LMO7: variants seen among roughly 807,000 people sequenced by gnomAD.
LMO7 encodes the protein LIM domain 7.
A neutral mutation model predicts 206.5 loss-of-function variants in LMO7; 120 were observed. The ratio of observed to expected loss-of-function variants is 0.58; its 90% CI spans 0.50 to 0.68. LMO7 has a LOEUF of 0.68. Ranked by LOEUF, LMO7 falls within the 30% of genes least tolerant of loss-of-function variation. The probability of loss-of-function intolerance (pLI) is 0.00; values close to 1 mark genes in which losing one functional copy is unlikely to be tolerated. For missense variants in LMO7, 1,959 were observed against 1,957.9 expected (o/e 1.00, Z -0.01); for synonymous variants, 706 against 681.5 (o/e 1.04, Z -0.56).
At chr13:75,675,856 G>A (rs2039960132) in intron 1 of LMO7, among the ~76,000 whole-genome samples, 1 of 151,838 alleles carries the variant, frequency 6.6e-6, no homozygotes, top group African/African-American at 2.4e-5. Context: ...GATGGAAAAT[G>A]TCTCCTCCTT....
chr13:75,770,798 C>G (rs1013311132), intron 4 of LMO7, among the ~76,000 whole-genome samples: 10 of 152,086 alleles, frequency 6.6e-5, no homozygotes, highest in African/African-American at 1.7e-4. Context: ...AAACTAATAA[C>G]AGCCCAGCCA....
chr13:75,804,786 T>C, intron 8 of LMO7: 2 of 1,117,588 alleles, frequency 1.8e-6, no homozygotes, highest in Non-Finnish European at 2.3e-6. Context: ...TTTATTGGTA[T>C]TTTTCAGCTT....
chr13:75,763,438 T>C (rs2048443512), intron 4 of LMO7, among the ~76,000 whole-genome samples: 1 of 152,198 alleles, frequency 6.6e-6, no homozygotes, highest in Non-Finnish European at 1.5e-5. Flanking sequence ...AAAATATAAC[T>C]TTTATATACA....
chr13:75,724,006 G>A (rs2044251245), intron 2 of LMO7, among the ~76,000 whole-genome samples: 1 of 152,074 alleles, frequency 6.6e-6, no homozygotes, highest in Non-Finnish European at 1.5e-5. Flanking sequence ...GCTTTCAGGA[G>A]CCTCTTTTAT....
intron 3 of LMO7, among the ~76,000 whole-genome samples, chr13:75,744,224 T>C (rs1379037319): frequency 6.6e-6 from 1 of 152,188 alleles, no homozygotes; most frequent in African/African-American, 2.4e-5. Flanking sequence ...CAATTTGGGG[T>C]CAACATTGTA....
intron 27 of LMO7, among the ~76,000 whole-genome samples, chr13:75,852,611 C>T (rs563307690): frequency 1.3e-5 from 2 of 152,330 alleles, no homozygotes; most frequent in South Asian, 4.1e-4. Flanking sequence ...TCTCAACTTT[C>T]AGTGGTTCGA....
At chr13:75,709,513 C>T (rs1266733867) in intron 1 of LMO7, among the ~76,000 whole-genome samples, 1 of 152,018 alleles carries the variant, frequency 6.6e-6, no homozygotes, top group East Asian at 1.9e-4. Flanking sequence ...GATGGTATCT[C>T]ATTGTGGTTT....
intron 25 of LMO7, among the ~76,000 whole-genome samples, chr13:75,845,117 C>T (rs1366506044): frequency 6.6e-6 from 1 of 152,182 alleles, no homozygotes; most frequent in East Asian, 1.9e-4. Flanking sequence ...CTATTTCCAG[C>T]ATTTCACTCT....
Position 75,636,472 on chromosome 13 carries a change from T to TGG in LMO7, c.-186_-185insGG. The TGG allele has an allele frequency of 6.9e-7, 1 of 1,443,192 alleles. No individual in the cohort carries two copies. The highest frequency in any genetic ancestry group is 2.5e-5 in the East Asian group (1 of 39,358). 89.4% of individuals were successfully genotyped at this position (1,443,192 alleles called of 1,614,324 possible). A position where few individuals can be genotyped will look rare whatever the true frequency, so the allele number is the denominator to read the frequency against. On this transcript the variant is annotated 5_prime_UTR_variant, in exon 1 of 31. Transcript: ENST00000377534. ...AGCCAGGTCTTCACGTTCGTGTAGGTTCGAGACCTTAACGAACTGCAGAGC... is the reference window on the plus strand; with the variant it reads ...AGCCAGGTCTTCACGTTCGTGTAGGTGGTCGAGACCTTAACGAACTGCAGAGC...
In LMO7 at chr13:75,807,998, A is replaced by G. The variant is rs1030606685; in HGVS notation, c.1715A>G (p.Asn572Ser). ...ACATGCCCATCCAAAGAAAAAAGTA[A>G]TAGCTGTAGAATATTAGTTCCTTCA... is the stretch of plus-strand genomic sequence containing the variant. ...ERTCPSKEKSNSCRILVPSYR... is the reference protein window; with the variant it reads ...ERTCPSKEKSSSCRILVPSYR... The change falls in exon 10 of 31, where the codon AAT becomes AGT. Residue 572 changes from asparagine to serine, a missense_variant. Physicochemically the swap from Asn to Ser is conservative, Grantham distance 46 (BLOSUM62 1). Coordinates refer to ENST00000377534, the MANE Select transcript of LMO7 (RefSeq NM_001306080.2). The G allele has an allele frequency of 1.2e-6, 2 of 1,613,820 alleles. No homozygotes were observed. Among genetic ancestry groups the G allele is most frequent in the Non-Finnish European group, 8.5e-7 (1 of 1,179,882 alleles).
chr13:75,855,625 G>A (rs921092645), intron 29 of LMO7, among the ~76,000 whole-genome samples: 16 of 152,148 alleles, frequency 1.1e-4, no homozygotes, highest in Admixed American at 9.2e-4. Flanking sequence ...CAGTACATAA[G>A]TTGCTTTCTC....
At chr13:75,804,078 A>G (rs777114984) in intron 7 of LMO7, 1 of 507,542 alleles carries the variant, frequency 2.0e-6, no homozygotes, top group Non-Finnish European at 3.5e-6. Flanking sequence ...TACAGCAGCA[A>G]AAGAATGTAC....
rs189643773 is a variant in LMO7, at chr13:75,734,406, A to G, written c.210+7308A>G. On this transcript the variant is annotated intron_variant, in intron 3 of 30. Transcript: ENST00000377534. ...TCAACTTCAGAAAACTCTGAAGTTT[A>G]AGATAGCTAATAATTAGAATGTAAA... is the stretch of plus-strand genomic sequence containing the variant. Among the ~76,000 whole-genome samples, 11 of 152,348 alleles carry G rather than the reference A, an allele frequency of 7.2e-5. No homozygotes were observed. In the East Asian group the frequency reaches 1.9e-3, roughly 27 times the overall value.
chr13:75,823,786 C>T lies in LMO7; in HGVS notation c.2862C>T (p.Ala954=), dbSNP rs754601197. The change falls in exon 15 of 31, where the codon GCC becomes GCT. Residue 954 remains alanine, a synonymous_variant. Transcript: ENST00000377534. ...LSQDQAATSK[A]TLSSTSGLDL... is the part of the protein sequence containing the mutation. Reference sequence around the variant, plus strand: ...AAGACCAGGCTGCCACTTCTAAAGCCACATTGTCTTCCACATCTGGTCTTG... The same window carrying T: ...AAGACCAGGCTGCCACTTCTAAAGCTACATTGTCTTCCACATCTGGTCTTG... The T allele has an allele frequency of 6.2e-6, 10 of 1,614,060 alleles. No individual in the cohort carries two copies. The highest frequency in any genetic ancestry group is 8.5e-6 in the Non-Finnish European group (10 of 1,179,946).
chr13:75,642,667 T>G (rs559840765), intron 1 of LMO7, among the ~76,000 whole-genome samples: 10 of 152,140 alleles, frequency 6.6e-5, no homozygotes, highest in Admixed American at 2.0e-4. Flanking sequence ...GTGGACCCAC[T>G]GGGTGAAAAA....
At position 75,858,440 on chromosome 13, in the gene LMO7, A is replaced by G. The variant is rs933505451; in HGVS notation, c.*497A>G. 1.3e-5 allele frequency: 2 copies of G among 152,598 alleles called. No homozygotes were observed. Among genetic ancestry groups the G allele is most frequent in the Non-Finnish European group, 2.9e-5 (2 of 68,162 alleles). The allele number at this position is 152,598 out of a possible 1,614,324, so 9.5% of individuals were successfully genotyped here. ...ATCTATCCCCAAATGTGCTTTCTGTATCCTTCCTTCTACCTATTATTCTGA... is the reference window on the plus strand; with the variant it reads ...ATCTATCCCCAAATGTGCTTTCTGTGTCCTTCCTTCTACCTATTATTCTGA... On this transcript the variant is annotated 3_prime_UTR_variant, in exon 31 of 31. Coordinates refer to ENST00000377534, the MANE Select transcript of LMO7 (RefSeq NM_001306080.2).
chr13:75,639,436 TG>T (rs1351950342), intron 1 of LMO7, among the ~76,000 whole-genome samples: 2 of 152,216 alleles, frequency 1.3e-5, no homozygotes, highest in African/African-American at 4.8e-5. Context: ...TTGGAAAGGC[TG>T]TTTGATACAT....
intron 13 of LMO7, among the ~76,000 whole-genome samples, chr13:75,820,266 G>C (rs1336478687): frequency 6.6e-6 from 1 of 152,212 alleles, no homozygotes; most frequent in Non-Finnish European, 1.5e-5. Flanking sequence ...CTAGATGTGA[G>C]AGATGAGGGT....
intron 14 of LMO7, 90 bp downstream of exon 14, chr13:75,821,699 TGTA>T: frequency 3.8e-6 from 3 of 797,340 alleles, no homozygotes; most frequent in Non-Finnish European, 6.1e-6. Context: ...CAACTTGATG[TGTA>T]AACTGTACAT....
Sources: gnomAD v4.1 joint callset for allele counts (sites outside exome capture counted in the v4.1 genomes callset) on GRCh38, gnomAD v4.1.1 for gene constraint, MANE v1.5 for transcripts, NCBI Gene and HGNC (gene_info 2026-07-23, HGNC 2026-07-21) for gene names.